Variants in CMIP observed in about 807,000 individuals in gnomAD.
CMIP encodes the protein C-Maf-inducing protein.
In CMIP, 13 loss-of-function variants were observed where a neutral mutation model predicts 97.3. The ratio of observed to expected loss-of-function variants is 0.13; its 90% CI spans 0.09 to 0.21. CMIP has a LOEUF of 0.21. CMIP is among the 10% of genes least tolerant of loss of function. The probability of loss-of-function intolerance (pLI) is 1.00; values close to 1 mark genes in which losing one functional copy is unlikely to be tolerated. For missense variants in CMIP, 847 were observed against 1,024.9 expected, an observed-to-expected ratio of 0.83 and a Z score of 2.37; for synonymous variants, 538 against 436.3, an observed-to-expected ratio of 1.23 and a Z score of -2.91.
intron 10 of CMIP, among the ~76,000 whole-genome samples, chr16:81,686,192 C>T (rs562405622): frequency 6.6e-6 from 1 of 152,344 alleles, no homozygotes; most frequent in Non-Finnish European, 1.5e-5. Context: ...ACTGCATTTC[C>T]ATTTTCTGGA....
intron 1 of CMIP, among the ~76,000 whole-genome samples, chr16:81,541,812 A>T (rs542052441): frequency 6.6e-6 from 1 of 152,236 alleles, no homozygotes; most frequent in Non-Finnish European, 1.5e-5. Context: ...GGCATCAGGC[A>T]TGCGTTTATG....
At chr16:81,653,947 G>A (rs185690152) in intron 4 of CMIP, among the ~76,000 whole-genome samples, 2 of 152,250 alleles carry the variant, frequency 1.3e-5, no homozygotes, top group East Asian at 1.9e-4. Flanking sequence ...CTTCACAGAT[G>A]AGGAAATTGA....
chr16:81,613,579 C>T (rs1193844763), intron 2 of CMIP, among the ~76,000 whole-genome samples: 4 of 152,140 alleles, frequency 2.6e-5, no homozygotes, highest in East Asian at 3.8e-4. Context: ...TTGTGAGGCT[C>T]GTAGATATTA....
At chr16:81,522,902 A>AAT (rs2090055811) in intron 1 of CMIP, among the ~76,000 whole-genome samples, 1 of 152,138 alleles carries the variant, frequency 6.6e-6, no homozygotes, top group African/African-American at 2.4e-5. Context: ...AATCATAAAC[A>AAT]ATATATAACA....
chr16:81,660,805 A>T, intron 5 of CMIP, 79 bp from the exon 6 acceptor site: 1 of 1,488,404 alleles, frequency 6.7e-7, no homozygotes. Flanking sequence ...TTCACTTCAC[A>T]ATATGGCCTG....
At chr16:81,640,687 T>C (rs1597181692) in intron 3 of CMIP, among the ~76,000 whole-genome samples, 1 of 151,918 alleles carries the variant, frequency 6.6e-6, no homozygotes, top group African/African-American at 2.4e-5. Flanking sequence ...CTATCCTTGA[T>C]GCGCCTTGGC....
chr16:81,711,354 C>G lies in CMIP; in HGVS notation c.*1555C>G, dbSNP rs1469065216. The G allele has an allele frequency of 1.3e-5, 2 of 152,154 alleles. No homozygotes were observed. Among genetic ancestry groups the G allele is most frequent in the Admixed American group, 6.6e-5 (1 of 15,232 alleles). 9.4% of individuals were successfully genotyped at this position (152,154 alleles called of 1,614,324 possible). On this transcript the variant is annotated 3_prime_UTR_variant, in exon 21 of 21. Transcript: ENST00000537098. ...TTGCTAGGTAGACTTTATTACCCCC[C>G]CACTATGCCCTCATTTTTTTAAAAA...
intron 10 of CMIP, among the ~76,000 whole-genome samples, chr16:81,688,057 A>C (rs901574778): frequency 2.0e-5 from 3 of 152,252 alleles, no homozygotes; most frequent in African/African-American, 4.8e-5. Context: ...CGTTATCAGC[A>C]GTGCTAATAC....
chr16:81,695,321 A>G (rs966752733), intron 13 of CMIP: 3 of 152,144 alleles, frequency 2.0e-5, no homozygotes, highest in Non-Finnish European at 4.4e-5. Context: ...ATTATTTGCT[A>G]TATTTGTTGA....
intron 1 of CMIP, among the ~76,000 whole-genome samples, chr16:81,558,229 T>C (rs897394368): frequency 6.6e-6 from 1 of 152,182 alleles, no homozygotes. Context: ...TCTCGGCCGT[T>C]AGAGATAGTG....
In CMIP at chr16:81,479,056, G is replaced by A. The variant is rs776987386; in HGVS notation, c.300+33515G>A. On this transcript the variant is annotated intron_variant, in intron 1 of 20. Transcript: ENST00000537098. ...TCAGGCACTCGAGTGGGAAGTGAAA[G>A]TGTGCACCAGCTCTTTAGTTCTGCT... Among the ~76,000 whole-genome samples, 67 of 152,356 alleles carry A rather than the reference G, an allele frequency of 4.4e-4. 1 individual carries two copies. Among genetic ancestry groups the A allele is most frequent in the Middle Eastern group, 6.8e-3 (2 of 294 alleles).
intron 1 of CMIP, chr16:81,464,128 A>G (rs1327966724): frequency 1.3e-5 from 2 of 152,390 alleles, no homozygotes; most frequent in Admixed American, 6.5e-5. Flanking sequence ...GCCAGTGTGT[A>G]AGGGAAGCAG....
intron 1 of CMIP, among the ~76,000 whole-genome samples, chr16:81,520,997 C>A (rs1414954190): frequency 2.6e-5 from 4 of 152,120 alleles, no homozygotes; most frequent in Non-Finnish European, 4.4e-5. Flanking sequence ...AGAAAAAGGA[C>A]CCCCCGCCCC....
chr16:81,679,174 G>A (rs769249225), intron 10 of CMIP, among the ~76,000 whole-genome samples: 3 of 152,186 alleles, frequency 2.0e-5, no homozygotes, highest in South Asian at 2.1e-4. Context: ...ATGTGGGTGC[G>A]ACAGCACACG....
intron 10 of CMIP, among the ~76,000 whole-genome samples, chr16:81,684,692 C>T (rs1905207179): frequency 6.6e-6 from 1 of 152,216 alleles, no homozygotes; most frequent in South Asian, 2.1e-4. Flanking sequence ...GGTTCTAAGG[C>T]CCTCTTCATG....
chr16:81,469,580 T>G (rs1038091954), intron 1 of CMIP, among the ~76,000 whole-genome samples: 1 of 152,208 alleles, frequency 6.6e-6, no homozygotes, highest in Admixed American at 6.5e-5. Context: ...ACCCAAGGTC[T>G]GAGGGGCCAG....
rs1179986637 is a variant in CMIP at position 81,702,669 on chromosome 16, A to G, written c.1944A>G (p.Thr648=). ...PTRLTLPSKS[T]DADLARLLSS... ...GGCTAACACTGCCCTCCAAGTCCAC[A>G]GTGAGTTGGTTTGGTTCTCTTTGGG... The change falls in exon 17 of 21, where the codon ACA becomes ACG. Residue 648 remains threonine (T), a splice_region_variant and synonymous_variant. Transcript: ENST00000537098. 2 of 1,613,128 alleles carry G rather than the reference A, an allele frequency of 1.2e-6. No homozygotes were observed. Among genetic ancestry groups the G allele is most frequent in the Admixed American group, 1.7e-5 (1 of 59,932 alleles).
chr16:81,638,231 C>T (rs1283357285), intron 3 of CMIP, among the ~76,000 whole-genome samples: 3 of 152,178 alleles, frequency 2.0e-5, no homozygotes, highest in African/African-American at 7.2e-5. Flanking sequence ...AGCGTGATCT[C>T]CCCATCTCAA....
chr16:81,471,385 T>C (rs919024024), intron 1 of CMIP, among the ~76,000 whole-genome samples: 2 of 151,574 alleles, frequency 1.3e-5, no homozygotes, highest in East Asian at 1.9e-4. Context: ...TACATGTGCA[T>C]ATGCATATAC....
Sources: allele counts gnomAD v4.1 joint callset (sites outside exome capture counted in the v4.1 genomes callset), GRCh38; gene constraint gnomAD v4.1.1; transcripts MANE v1.5; gene names NCBI Gene and HGNC (gene_info 2026-07-23, HGNC 2026-07-21).